Variants in HMCN1 observed in about 807,000 individuals in gnomAD.
HMCN1 encodes hemicentin 1, also known as hemicentin-1.
A neutral mutation model predicts 625.9 loss-of-function variants in HMCN1; 321 were observed. The ratio of observed to expected loss-of-function variants is 0.51; its 90% confidence interval spans 0.47 to 0.56. The LOEUF (loss-of-function observed/expected upper bound fraction) is 0.56, where lower values mean the gene tolerates loss of function less well. Ranked by LOEUF, HMCN1 falls within the 20% of genes least tolerant of loss-of-function variation. The pLI, the probability that HMCN1 is intolerant of heterozygous loss-of-function variation, is 0.00. For synonymous variants in HMCN1, 2,425 were observed against 2,417.6 expected (o/e 1.00, Z -0.09); for missense variants, 6,588 against 6,887.3 (o/e 0.96, Z 1.54).
intron 1 of HMCN1, among the ~76,000 whole-genome samples, chr1:185,821,574 T>C (rs1660186361): frequency 6.6e-6 from 1 of 152,034 alleles, no homozygotes; most frequent in African/African-American, 2.4e-5. Flanking sequence ...ATATCACATA[T>C]ATGAAAGTCT....
chr1:186,045,894 A>G, intron 41 of HMCN1, 31 bp downstream of exon 41: 1 of 1,494,876 alleles, frequency 6.7e-7, no homozygotes, highest in Non-Finnish European at 9.3e-7. Context: ...ATTTTACCTT[A>G]TGTTATTAGA....
At chr1:185,903,315 A>T (rs1246358608) in intron 4 of HMCN1, among the ~76,000 whole-genome samples, 2 of 151,730 alleles carry the variant, frequency 1.3e-5, no homozygotes, top group Admixed American at 6.6e-5. Context: ...GTTGAAATTG[A>T]GAGTTCCTCT....
intron 11 of HMCN1, among the ~76,000 whole-genome samples, chr1:185,956,399 C>T (rs1443035680): frequency 6.6e-6 from 1 of 152,194 alleles, no homozygotes; most frequent in Admixed American, 6.5e-5. Flanking sequence ...CTACAACCCC[C>T]TCCTGGAGTT....
At chr1:186,125,881 C>G (rs1297894507) in intron 82 of HMCN1, 87 bp downstream of exon 82, 2 of 919,708 alleles carry the variant, frequency 2.2e-6, no homozygotes, top group East Asian at 2.8e-5. Flanking sequence ...GAAGTATATT[C>G]TTTAATAATT....
chr1:186,041,045 C>T lies in HMCN1; in HGVS notation c.6213C>T (p.Thr2071=). 6.2e-7 allele frequency: 1 copy of T among 1,612,864 alleles called. No individual in the cohort carries two copies. Among genetic ancestry groups the T allele is most frequent in the Non-Finnish European group, 8.5e-7 (1 of 1,179,152 alleles). Residue 2071 remains threonine, a synonymous_variant, in exon 40 of 107, where the codon ACC becomes ACT. Coordinates refer to ENST00000271588, the MANE Select transcript of HMCN1 (RefSeq NM_031935.3). ...CTGGTGGTCGAATCCTAGCATTGAC[C>T]AGTGCACAAATCAGCGACACAGGAA... ...VLSGGRILAL[T]SAQISDTGRY... is the part of the protein sequence containing the mutation.
intron 1 of HMCN1, among the ~76,000 whole-genome samples, chr1:185,841,576 T>C (rs992487169): frequency 6.6e-6 from 1 of 152,176 alleles, no homozygotes; most frequent in Non-Finnish European, 1.5e-5. Flanking sequence ...TCCTCCTTCC[T>C]CCTATATTCA....
At chr1:185,944,156 A>G (rs922760802) in intron 11 of HMCN1, among the ~76,000 whole-genome samples, 4 of 151,082 alleles carry the variant, frequency 2.6e-5, no homozygotes, top group African/African-American at 9.9e-5. Flanking sequence ...AGATAAAGGA[A>G]AGTGGGAAAA....
At chr1:186,048,919 CTA>C in intron 42 of HMCN1, 80 bp downstream of exon 42, 1 of 831,776 alleles carries the variant, frequency 1.2e-6, no homozygotes, top group Admixed American at 1.8e-5. Flanking sequence ...ATCCATGTAA[CTA>C]AAACTGATTA....
At chr1:186,021,024 T>C (rs1654682587) in intron 35 of HMCN1, among the ~76,000 whole-genome samples, 1 of 152,086 alleles carries the variant, frequency 6.6e-6, no homozygotes, top group Non-Finnish European at 1.5e-5. Flanking sequence ...AAAGAATAAA[T>C]TGGAGGAGCC....
chr1:186,077,955 G>T, intron 54 of HMCN1, 152 bp from the exon 55 acceptor site: 1 of 642,798 alleles, frequency 1.6e-6, no homozygotes. Context: ...TGTTGTAAAA[G>T]TGGTATCTGA....
At position 185,934,180 on chromosome 1, in the gene HMCN1, C is replaced by A. The variant is rs1252311181; in HGVS notation, c.1828+356C>A. On this transcript the variant is annotated intron_variant, in intron 11 of 106. Transcript: ENST00000271588. The stretch of plus-strand genomic sequence containing the variant: ...TTAATAATTGGTCAAAAAACAATTT[C>A]TTCCCAATTTAAGTACTGTATTTTT... Among the ~76,000 whole-genome samples, 4 of 152,024 alleles carry A rather than the reference C, an allele frequency of 2.6e-5. No homozygotes were observed. In the East Asian group the frequency reaches 7.7e-4, roughly 29 times the overall value.
At chr1:185,946,781 G>A (rs1034598223) in intron 11 of HMCN1, among the ~76,000 whole-genome samples, 8 of 152,244 alleles carry the variant, frequency 5.3e-5, no homozygotes, top group Admixed American at 5.2e-4. Flanking sequence ...TGGAAACATT[G>A]TTGACATACA....
At chr1:186,128,932 G>T (rs1055101440) in intron 83 of HMCN1, among the ~76,000 whole-genome samples, 6 of 149,136 alleles carry the variant, frequency 4.0e-5, no homozygotes, top group Non-Finnish European at 5.9e-5. Flanking sequence ...TAAGTGTCTT[G>T]CTAGAAAAGT....
chr1:186,057,386 G>A lies in HMCN1; in HGVS notation c.7297G>A (p.Val2433Met), dbSNP rs1657404189. The A allele has an allele frequency of 6.2e-7, 1 of 1,608,568 alleles. No individual in the cohort carries two copies. Residue 2433 changes from valine to methionine, a missense_variant, in exon 46 of 107, where the codon GTG (valine) becomes ATG (methionine). Physicochemically the swap from Val to Met is conservative, Grantham distance 21. Transcript: ENST00000271588. ...DGWPVSLSNS[V>M]RILSGGRMLR... ...GTGGCCTGTCAGCCTTAGCAATTCT[G>A]TGAGGATTCTTTCAGGTATTAGAAA...
intron 11 of HMCN1, among the ~76,000 whole-genome samples, chr1:185,947,458 A>G (rs1668405601): frequency 1.3e-5 from 2 of 152,218 alleles, no homozygotes; most frequent in African/African-American, 4.8e-5. Context: ...ATAACAAGAG[A>G]AGAAGTTTTA....
rs145492995 is a variant in HMCN1, at chr1:186,112,876, G to C, written c.11054G>C (p.Gly3685Ala). 3.0e-4 allele frequency: 492 copies of C among 1,614,122 alleles called. 2 individuals carry two copies. The highest frequency in any genetic ancestry group is 3.8e-4 in the Non-Finnish European group (452 of 1,179,998). The change falls in exon 72 of 107, where the codon GGT (glycine) becomes GCT (alanine). Residue 3685 changes from glycine to alanine, a missense_variant. Gly to Ala is a moderately conservative substitution (Grantham distance 60). This residue lies in a region of HMCN1 where 4,628 missense variants were observed against 4,853.1 expected (regional missense o/e 0.95). Transcript: ENST00000271588. ...RYLQINNADL[G>A]DTANYTCVAS... The stretch of plus-strand genomic sequence containing the variant: ...TTGCAAATCAACAATGCTGACCTAG[G>C]TGATACAGCCAATTATACCTGTGTT...
chr1:186,055,758 GA>G (rs1430123366), intron 45 of HMCN1, 84 bp downstream of exon 45: 2 of 1,306,032 alleles, frequency 1.5e-6, no homozygotes, highest in South Asian at 1.2e-5. Context: ...CTCAAGTACT[GA>G]AAGTCATTTA....
At chr1:185,790,295 A>G (rs1657901745) in intron 1 of HMCN1, among the ~76,000 whole-genome samples, 1 of 152,214 alleles carries the variant, frequency 6.6e-6, no homozygotes, top group Non-Finnish European at 1.5e-5. Context: ...ACTATTCTCC[A>G]ACTGTTGCCA....
At position 186,123,001 on chromosome 1, in the gene HMCN1, A is replaced by G. The variant is rs1371574877; in HGVS notation, c.12280A>G (p.Lys4094Glu). 2 of 1,614,172 alleles carry G rather than the reference A, an allele frequency of 1.2e-6. No individual in the cohort carries two copies. Among genetic ancestry groups the G allele is most frequent in the African/African-American group, 2.7e-5 (2 of 75,056 alleles). The change falls in exon 81 of 107, where the codon AAG (lysine) becomes GAG (glutamate). Residue 4094 changes from lysine to glutamate, a missense_variant. Physicochemically the swap from Lys to Glu is moderately conservative, Grantham distance 56 (BLOSUM62 1). Transcript: ENST00000271588. ...HLKEYVIAVD[K>E]PITLSCEADG... is the part of the protein sequence containing the mutation. The stretch of plus-strand genomic sequence containing the variant: ...AAAGGAATATGTTATTGCTGTGGAC[A>G]AGCCCATCACGTTATCCTGTGAAGC...
Sources: allele counts gnomAD v4.1 joint callset (sites outside exome capture counted in the v4.1 genomes callset), GRCh38; gene constraint gnomAD v4.1.1; regional missense constraint gnomAD v4.1.1; transcripts MANE v1.5; gene names NCBI Gene and HGNC (gene_info 2026-07-23, HGNC 2026-07-21).